Variants in FRK observed in about 807,000 individuals in gnomAD.
FRK encodes fyn related Src family tyrosine kinase, also known as tyrosine-protein kinase FRK.
In FRK, 51 loss-of-function variants were observed where a neutral mutation model predicts 56.4. The observed-to-expected ratio is 0.90, with a 90% confidence interval of 0.72 to 1.14. The LOEUF (loss-of-function observed/expected upper bound fraction) is 1.14, where lower values mean the gene tolerates loss of function less well. Ranked by LOEUF, FRK falls within the 50% of genes most tolerant of loss-of-function variation. The pLI is 0.00. For synonymous variants in FRK, 245 were observed against 217.9 expected (o/e 1.12, Z -1.10); for missense variants, 570 against 601.4 (o/e 0.95, Z 0.55).
rs1252960929 is a variant in FRK at position 115,931,853 on chromosome 6, C to A, written c.*10561G>T. ...CTTTTAACCACTTTTTCCCAACATA[C>A]AACTTCTGGTTATTAGGTAATATGA... On this transcript the variant is annotated 3_prime_UTR_variant, in exon 8 of 8. Coordinates refer to ENST00000606080, the MANE Select transcript of FRK (RefSeq NM_002031.3). 1 of 152,172 alleles carries A rather than the reference C, an allele frequency of 6.6e-6. No individual in the cohort carries two copies. The highest frequency in any genetic ancestry group is 1.5e-5 in the Non-Finnish European group (1 of 68,014). The allele number at this position is 152,172 out of a possible 1,614,324, so 9.4% of individuals were successfully genotyped here. A position where few individuals can be genotyped will look rare whatever the true frequency, so the allele number is the denominator to read the frequency against.
chr6:116,028,756 C>T (rs1201314968), intron 1 of FRK, among the ~76,000 whole-genome samples: 2 of 152,110 alleles, frequency 1.3e-5, no homozygotes, highest in African/African-American at 4.8e-5. Flanking sequence ...CTAACTAGAT[C>T]TGCAATGTCT....
rs1554224845 is a variant in FRK, at chr6:115,953,180, AT to A, written c.958+3271del. On this transcript the variant is annotated intron_variant, in intron 5 of 7. Coordinates refer to ENST00000606080, the MANE Select transcript of FRK (RefSeq NM_002031.3). The stretch of plus-strand genomic sequence containing the variant: ...AGAGTGGTACATCCATTTTAAGGCC[AT>A]TTTTTTTTTTTTTTTTTTTTTTTTT... Among the ~76,000 whole-genome samples the A allele has an allele frequency of 5.3e-3, 556 of 103,926 alleles. 47 individuals are homozygous for A. The highest frequency in any genetic ancestry group is 0.018 in the African/African-American group (492 of 27,140). The allele number at this position is 103,926 out of a possible 152,430, so 68.2% of individuals were successfully genotyped here.
chr6:115,942,245 G>C lies in FRK; in HGVS notation c.*169C>G, dbSNP rs754438059. On this transcript the variant is annotated 3_prime_UTR_variant, in exon 8 of 8. Coordinates refer to ENST00000606080, the MANE Select transcript of FRK (RefSeq NM_002031.3). ...CTTGACTGTCCTGCAGTGTTGCCCA[G>C]TCAATAAAATGCACAAATAATCTTT... 8.3e-6 allele frequency: 5 copies of C among 601,692 alleles called. No homozygotes were observed. Among genetic ancestry groups the C allele is most frequent in the Non-Finnish European group, 1.5e-5 (5 of 342,758 alleles). The allele number at this position is 601,692 out of a possible 1,614,324, so 37.3% of individuals were successfully genotyped here.
chr6:116,070,036 G>A, the FRK span, among the ~76,000 whole-genome samples: 1 of 151,124 alleles, frequency 6.6e-6, no homozygotes, highest in Admixed American at 6.6e-5. Context: ...TTGAAAGCAT[G>A]ATCATCTAAT....
chr6:116,091,236 A>C, the FRK span, among the ~76,000 whole-genome samples: 1 of 152,124 alleles, frequency 6.6e-6, no homozygotes, highest in Non-Finnish European at 1.5e-5. Flanking sequence ...ACTCTGTAAA[A>C]ACACAGCAAT....
chr6:115,942,656 C>T (rs41289918), intron 7 of FRK, 31 bp from the exon 8 acceptor site: 42 of 1,544,140 alleles, frequency 2.7e-5, no homozygotes, highest in Non-Finnish European at 3.3e-5. Flanking sequence ...CCAACAACAA[C>T]AAAAAAAACA....
chr6:115,944,615 C>T (rs1265008384), intron 5 of FRK, among the ~76,000 whole-genome samples, 190 bp from the exon 6 acceptor site: 2 of 152,126 alleles, frequency 1.3e-5, no homozygotes, highest in Non-Finnish European at 2.9e-5. Context: ...AGGCAAGGCC[C>T]TCTCTTCCTT....
At chr6:115,994,840 C>T (rs1305399279) in intron 2 of FRK, among the ~76,000 whole-genome samples, 1 of 152,162 alleles carries the variant, frequency 6.6e-6, no homozygotes, top group East Asian at 1.9e-4. Flanking sequence ...AGAAGGTGGC[C>T]ATCTGCAAAC....
Position 116,060,005 on chromosome 6 carries a change from TAG to T in FRK, c.305_306del (p.Ser102Ter). Reference sequence around the variant, plus strand: ...AGGCTTCTGTCCTCAGCCACGTAGTTAGAAGGAATATAGCCTTGTAGTTGCTG... The same window carrying T: ...AGGCTTCTGTCCTCAGCCACGTAGTTAAGGAATATAGCCTTGTAGTTGCTG... ...SSQQLQGYIPSNYVAEDRSLQ... is the reference protein window; with the variant it reads ...SSQQLQGYIPXNYVAEDRSLQ... On this transcript the variant is annotated frameshift_variant, in exon 1 of 8. Transcript: ENST00000606080. LOFTEE classifies it high-confidence loss of function. 5 of 1,614,140 alleles carry T rather than the reference TAG, an allele frequency of 3.1e-6. No individual in the cohort carries two copies. The highest frequency in any genetic ancestry group is 4.2e-6 in the Non-Finnish European group (5 of 1,180,030).
At chr6:115,954,886 C>T (rs1451482427) in intron 5 of FRK, among the ~76,000 whole-genome samples, 2 of 152,054 alleles carry the variant, frequency 1.3e-5, no homozygotes, top group Non-Finnish European at 2.9e-5. Context: ...AAGAACTGAG[C>T]CACCAGCCAA....
chr6:116,002,344 C>A lies in FRK; in HGVS notation c.466+1533G>T, dbSNP rs542456954. Among the ~76,000 whole-genome samples, 3 of 152,290 alleles carry A rather than the reference C, an allele frequency of 2.0e-5. No individual in the cohort carries two copies. The East Asian group carries it at 5.8e-4, about 29-fold the overall frequency. On this transcript the variant is annotated intron_variant, in intron 2 of 7. Transcript: ENST00000606080. ...CATTTAAGGTAAGTGACAGGCCAGGCATGGTGACTCACGCCTGTAATCCCA... is the reference window on the plus strand; with the variant it reads ...CATTTAAGGTAAGTGACAGGCCAGGAATGGTGACTCACGCCTGTAATCCCA...
the FRK span, among the ~76,000 whole-genome samples, chr6:116,098,406 A>AG: frequency 2.0e-5 from 3 of 152,148 alleles, no homozygotes; most frequent in African/African-American, 7.2e-5. Context: ...CCACGACGCC[A>AG]GGCAGACAGC....
chr6:116,032,328 C>G (rs1275779981), intron 1 of FRK, among the ~76,000 whole-genome samples: 1 of 151,948 alleles, frequency 6.6e-6, no homozygotes, highest in Non-Finnish European at 1.5e-5. Context: ...AAAAGAGATG[C>G]TTTTCTTACA....
At chr6:116,062,293 A>G (rs191171019), upstream of FRK, among the ~76,000 whole-genome samples, 66 of 152,212 alleles carry the variant, frequency 4.3e-4, no homozygotes, top group African/African-American at 1.5e-3. Flanking sequence ...TAGACTGTAT[A>G]TGTAATTTCA....
At chr6:116,088,561 G>A in the FRK span, among the ~76,000 whole-genome samples, 1 of 152,296 alleles carries the variant, frequency 6.6e-6, no homozygotes, top group South Asian at 2.1e-4. Context: ...ACACTACAGA[G>A]TATGTGATAT....
Position 116,042,295 on chromosome 6 carries a change from G to T in FRK, c.344+17673C>A, listed in dbSNP as rs543073296. 2.6e-5 allele frequency among the ~76,000 whole-genome samples: 4 copies of T among 152,174 alleles called. No homozygotes were observed. In the East Asian group the frequency reaches 7.7e-4, roughly 29 times the overall value. Reference sequence around the variant, plus strand: ...CCCATCTCCCTAGGACAGAACACCTGGGGGAAGGGGCAGGTATGGGCACAG... The same window carrying T: ...CCCATCTCCCTAGGACAGAACACCTTGGGGAAGGGGCAGGTATGGGCACAG... On this transcript the variant is annotated intron_variant, in intron 1 of 7. Coordinates refer to ENST00000606080, the MANE Select transcript of FRK (RefSeq NM_002031.3).
At chr6:115,950,521 G>T (rs1772695473) in intron 5 of FRK, among the ~76,000 whole-genome samples, 1 of 152,216 alleles carries the variant, frequency 6.6e-6, no homozygotes, top group African/African-American at 2.4e-5. Context: ...GGAAACAACA[G>T]ATGCTGGAGA....
intron 1 of FRK, among the ~76,000 whole-genome samples, chr6:116,050,571 C>T (rs747554105): frequency 3.3e-5 from 5 of 152,172 alleles, no homozygotes; most frequent in Non-Finnish European, 7.4e-5. Context: ...CATGTGTGTT[C>T]TCCTTCCCTG....
rs1775701199 is a variant in FRK, at chr6:116,017,539, A to G, written c.345-13541T>C. Among the ~76,000 whole-genome samples the G allele has an allele frequency of 1.3e-5, 2 of 152,196 alleles. 1 individual carries two copies. The highest frequency in any genetic ancestry group is 4.1e-4 in the South Asian group (2 of 4,832). ...CTGATTTGCCAACAGTTCTTTGCCC[A>G]GTTAAACTCTGCTAAGTTTAATTTG... On this transcript the variant is annotated intron_variant, in intron 1 of 7. Coordinates refer to ENST00000606080, the MANE Select transcript of FRK (RefSeq NM_002031.3).
Sources: allele counts gnomAD v4.1 joint callset (sites outside exome capture counted in the v4.1 genomes callset), GRCh38; gene constraint gnomAD v4.1.1; transcripts MANE v1.5; gene names NCBI Gene and HGNC (gene_info 2026-07-23, HGNC 2026-07-21).